Variants in DLG2 observed in about 807,000 individuals in gnomAD.
DLG2 encodes the protein disks large homolog 2.
DLG2 carries 45 observed loss-of-function variants against 132.5 expected under a neutral mutation model. That is an observed-to-expected ratio of 0.34 (90% CI 0.27 to 0.44). The LOEUF (loss-of-function observed/expected upper bound fraction) is 0.44, where lower values mean the gene tolerates loss of function less well. DLG2 is among the 20% of genes least tolerant of loss of function. DLG2 has a pLI of 1.00. For synonymous variants in DLG2, 424 were observed against 419.6 expected (o/e 1.01, Z -0.13); for missense variants, 1,045 against 1,196.9 (o/e 0.87, Z 1.87).
intron 6 of DLG2, among the ~76,000 whole-genome samples, chr11:85,105,947 A>G (rs2071664471): frequency 6.6e-6 from 1 of 151,026 alleles, no homozygotes; most frequent in Non-Finnish European, 1.5e-5. Flanking sequence ...ATTAGGTCAC[A>G]CAATGCATTC....
At chr11:83,942,002 A>G (rs2154139452) in intron 14 of DLG2, among the ~76,000 whole-genome samples, 1 of 152,340 alleles carries the variant, frequency 6.6e-6, no homozygotes, top group South Asian at 2.1e-4. Context: ...TGCTGAACCT[A>G]CAGTTCAGAA....
chr11:85,312,825 A>G (rs1361972950), intron 3 of DLG2, among the ~76,000 whole-genome samples: 1 of 152,064 alleles, frequency 6.6e-6, no homozygotes, highest in Non-Finnish European at 1.5e-5. Context: ...TTTTATCATT[A>G]AATTGATGGA....
chr11:85,162,003 GC>G (rs1346214954), intron 4 of DLG2, among the ~76,000 whole-genome samples: 2 of 152,158 alleles, frequency 1.3e-5, no homozygotes, highest in African/African-American at 4.8e-5. Context: ...ATTACGTTCT[GC>G]TGGCCTAGAG....
chr11:83,762,733 G>A (rs2093963938), intron 18 of DLG2, among the ~76,000 whole-genome samples: 1 of 151,920 alleles, frequency 6.6e-6, no homozygotes, highest in Non-Finnish European at 1.5e-5. Flanking sequence ...GGCGCATGCC[G>A]CCACGCCTGG....
chr11:84,826,681 A>G (rs924433671), intron 6 of DLG2, among the ~76,000 whole-genome samples: 1 of 151,638 alleles, frequency 6.6e-6, no homozygotes, highest in Non-Finnish European at 1.5e-5. Context: ...TTTGTGCCTC[A>G]CATGGTAGAG....
chr11:84,223,141 C>T (rs1321550412), intron 8 of DLG2, among the ~76,000 whole-genome samples: 6 of 152,238 alleles, frequency 3.9e-5, no homozygotes, highest in Middle Eastern at 3.4e-3. Flanking sequence ...TGATTCAATA[C>T]TGAGATGGGA....
intron 6 of DLG2, among the ~76,000 whole-genome samples, chr11:84,785,087 A>C (rs2072629864): frequency 6.6e-6 from 1 of 152,112 alleles, no homozygotes; most frequent in Non-Finnish European, 1.5e-5. Flanking sequence ...CAATTTAAAA[A>C]TAAATAAATA....
intron 19 of DLG2, among the ~76,000 whole-genome samples, chr11:83,626,928 A>G (rs960830802): frequency 4.6e-5 from 7 of 152,104 alleles, no homozygotes; most frequent in African/African-American, 1.7e-4. Context: ...GGTCCAGAGG[A>G]GCAAAAATCT....
intron 6 of DLG2, among the ~76,000 whole-genome samples, chr11:85,048,565 T>C (rs901937720): frequency 6.6e-6 from 1 of 151,998 alleles, no homozygotes; most frequent in African/African-American, 2.4e-5. Flanking sequence ...TATGTATCCA[T>C]TTTAAAACCA....
rs1164581652 is a variant in DLG2 at position 84,504,898 on chromosome 11, TC to T, written c.519+29671del. On this transcript the variant is annotated intron_variant, in intron 7 of 27. Coordinates refer to ENST00000376104, the MANE Select transcript of DLG2 (RefSeq NM_001142699.3). ...TTGCAAATAAGTTCAAATATACCCT[TC>T]CCCCAACAGAAACTTGCATACAACT... Among the ~76,000 whole-genome samples the T allele has an allele frequency of 6.6e-5, 10 of 152,182 alleles. 1 individual carries two copies. The highest frequency in any genetic ancestry group is 3.3e-4 in the Admixed American group (5 of 15,272).
intron 4 of DLG2, among the ~76,000 whole-genome samples, chr11:85,263,802 T>G (rs2077064546): frequency 6.6e-6 from 1 of 152,046 alleles, no homozygotes. Context: ...AGGGGAGAGG[T>G]CCCCATACGG....
At chr11:84,674,252 GT>G (rs1274720893) in intron 6 of DLG2, among the ~76,000 whole-genome samples, 2 of 151,958 alleles carry the variant, frequency 1.3e-5, no homozygotes, top group Non-Finnish European at 2.9e-5. Context: ...CCAGGTTGAT[GT>G]TTAATTGGTA....
At chr11:85,460,598 A>G (rs1361694706) in intron 3 of DLG2, among the ~76,000 whole-genome samples, 1 of 152,228 alleles carries the variant, frequency 6.6e-6, no homozygotes, top group Non-Finnish European at 1.5e-5. Context: ...TTGAAGATAC[A>G]GTAGTTAATC....
chr11:83,753,415 T>G (rs1156238693), intron 18 of DLG2, among the ~76,000 whole-genome samples: 1 of 151,802 alleles, frequency 6.6e-6, no homozygotes, highest in Non-Finnish European at 1.5e-5. Context: ...ACAGCAAGGC[T>G]CTCTCTCTCA....
chr11:84,220,785 T>C (rs1184039356), intron 8 of DLG2, among the ~76,000 whole-genome samples: 3 of 135,822 alleles, frequency 2.2e-5, no homozygotes, highest in Non-Finnish European at 4.7e-5. Context: ...CTTTTCTTTT[T>C]TTTTTTTTTT....
intron 16 of DLG2, among the ~76,000 whole-genome samples, chr11:83,848,801 C>T (rs74402604): frequency 0.011 from 1,630 of 152,274 alleles, 30 homozygotes; most frequent in African/African-American, 0.038. Flanking sequence ...CTGTGTGGCC[C>T]TCATGGTCAG....
intron 6 of DLG2, among the ~76,000 whole-genome samples, chr11:84,900,498 G>A (rs868818830): frequency 1.3e-5 from 2 of 152,046 alleles, no homozygotes; most frequent in Middle Eastern, 3.4e-3. Context: ...CTATAAAAGG[G>A]ATATATCCTT....
intron 8 of DLG2, among the ~76,000 whole-genome samples, chr11:84,164,979 A>G (rs912286667): frequency 1.3e-5 from 2 of 152,184 alleles, no homozygotes; most frequent in Non-Finnish European, 2.9e-5. Flanking sequence ...TTTGTTTTGT[A>G]TATGCAAAAG....
chr11:84,620,147 A>C (rs1416936347), intron 6 of DLG2, among the ~76,000 whole-genome samples: 2 of 151,782 alleles, frequency 1.3e-5, no homozygotes, highest in Non-Finnish European at 1.5e-5. Context: ...CATGAAACAG[A>C]ATACAGAACA....
Sources: gnomAD v4.1 joint callset for allele counts (sites outside exome capture counted in the v4.1 genomes callset) on GRCh38, gnomAD v4.1.1 for gene constraint, MANE v1.5 for transcripts, NCBI Gene and HGNC (gene_info 2026-07-23, HGNC 2026-07-21) for gene names.